The following TBL1X variants were observed in gnomAD, a reference collection of about 807,000 sequenced individuals.
TBL1X encodes the protein F-box-like/WD repeat-containing protein TBL1X.
In TBL1X, 10 loss-of-function variants were observed where a neutral mutation model predicts 50.7. The ratio of observed to expected loss-of-function variants is 0.20; its 90% CI spans 0.12 to 0.33. The LOEUF (loss-of-function observed/expected upper bound fraction) is 0.33, where lower values mean the gene tolerates loss of function less well. TBL1X is among the 10% of genes least tolerant of loss of function. The pLI, the probability that TBL1X is intolerant of heterozygous loss-of-function variation, is 1.00. For missense variants in TBL1X, 340 were observed against 504.4 expected, an observed-to-expected ratio of 0.67 and a Z score of 3.12; for synonymous variants, 190 against 214.7, an observed-to-expected ratio of 0.88 and a Z score of 1.01.
At chrX:9,644,596 G>A (rs903838458) in intron 3 of TBL1X, 4 of 111,624 alleles carry the variant, frequency 3.6e-5, no homozygotes, top group Non-Finnish European at 7.5e-5. Context: ...ACCCAGAAGG[G>A]TGGCAGGGCA....
At chrX:9,608,393 G>A (rs1176910036) in intron 2 of TBL1X, among the ~76,000 whole-genome samples, 5 of 111,544 alleles carry the variant, frequency 4.5e-5, no homozygotes, top group Non-Finnish European at 9.4e-5. Context: ...TGTTTATTTC[G>A]GTTTTATGTT....
chrX:9,516,181 T>C (rs2082079999), intron 2 of TBL1X, among the ~76,000 whole-genome samples: 1 of 111,324 alleles, frequency 9.0e-6, no homozygotes. Flanking sequence ...CTGCCTGTTA[T>C]CTCCGTGTTG....
chrX:9,653,824 G>A, intron 4 of TBL1X, 135 bp downstream of exon 4: 1 of 570,289 alleles, frequency 1.8e-6, no homozygotes. Context: ...GTCTGCCTGA[G>A]TGCACTTTGG....
At chrX:9,530,192 G>A (rs1029810324) in intron 2 of TBL1X, among the ~76,000 whole-genome samples, 7 of 112,010 alleles carry the variant, frequency 6.2e-5, no homozygotes, top group Non-Finnish European at 1.3e-4. Context: ...AAGCCAGGTG[G>A]CATTTTAATG....
chrX:9,645,722 G>T (rs958189227), intron 3 of TBL1X, among the ~76,000 whole-genome samples: 1 of 111,949 alleles, frequency 8.9e-6, no homozygotes, highest in Non-Finnish European at 1.9e-5. Flanking sequence ...ATATCTGATT[G>T]TGGGTAAATG....
At chrX:9,615,512 C>T (rs113740787) in intron 2 of TBL1X, among the ~76,000 whole-genome samples, 78 of 112,401 alleles carry the variant, frequency 6.9e-4, no homozygotes, top group African/African-American at 2.2e-3. Context: ...CTGTGGACAA[C>T]AGAGCCATAG....
intron 2 of TBL1X, among the ~76,000 whole-genome samples, chrX:9,525,805 T>C (rs1232496565): frequency 8.9e-6 from 1 of 111,756 alleles, no homozygotes; most frequent in East Asian, 2.8e-4. Flanking sequence ...ACAGGCACTT[T>C]CCTCTATTTT....
intron 1 of TBL1X, among the ~76,000 whole-genome samples, chrX:9,492,886 T>TAG (rs1489828013): frequency 9.9e-5 from 3 of 30,449 alleles, no homozygotes; most frequent in Admixed American, 3.6e-4. Context: ...TGTGTGTGTG[T>TAG]GTGTGTGTGT....
At chrX:9,599,854 T>A (rs1281344779) in intron 2 of TBL1X, among the ~76,000 whole-genome samples, 1 of 112,389 alleles carries the variant, frequency 8.9e-6, no homozygotes, top group Non-Finnish European at 1.9e-5. Flanking sequence ...ATACATTATA[T>A]GTTAGAATAC....
chrX:9,682,704 C>T (rs1477467132), intron 5 of TBL1X, among the ~76,000 whole-genome samples: 6 of 112,223 alleles, frequency 5.3e-5, no homozygotes, highest in Admixed American at 1.9e-4. Context: ...CCGGCTGCCA[C>T]TGCCCCTCAT....
chrX:9,514,608 C>CA (rs1375712745), intron 2 of TBL1X, among the ~76,000 whole-genome samples: 2 of 112,139 alleles, frequency 1.8e-5, no homozygotes, highest in African/African-American at 6.5e-5. Context: ...ATTACACACT[C>CA]ACACTGCGTT....
intron 2 of TBL1X, among the ~76,000 whole-genome samples, chrX:9,536,899 A>C: frequency 8.9e-6 from 1 of 111,919 alleles, no homozygotes. Flanking sequence ...TCCCTCTTTC[A>C]GTGGTGAGAC....
chrX:9,677,584 C>T (rs1160293795), intron 5 of TBL1X, among the ~76,000 whole-genome samples: 1 of 111,076 alleles, frequency 9.0e-6, no homozygotes, highest in African/African-American at 3.3e-5. Flanking sequence ...TACTCCCCGA[C>T]TACTGTAGTC....
intron 3 of TBL1X, among the ~76,000 whole-genome samples, chrX:9,652,948 C>T (rs371793650): frequency 5.7e-4 from 63 of 111,280 alleles, no homozygotes; most frequent in African/African-American, 1.9e-3. Context: ...GGGTGGGTCA[C>T]GAGGTCAGGA....
chrX:9,491,162 T>C (rs748239586), intron 1 of TBL1X, among the ~76,000 whole-genome samples: 31 of 105,953 alleles, frequency 2.9e-4, no homozygotes, highest in Non-Finnish European at 5.4e-4. Flanking sequence ...AAATTGTTTT[T>C]GTAGAGATGG....
At chrX:9,671,200 A>G (rs1269556094) in intron 5 of TBL1X, among the ~76,000 whole-genome samples, 2 of 112,311 alleles carry the variant, frequency 1.8e-5, no homozygotes, top group Non-Finnish European at 3.8e-5. Flanking sequence ...ACAGATGAAA[A>G]TCAGCAAGGG....
upstream of TBL1X, among the ~76,000 whole-genome samples, chrX:9,464,236 C>T (rs2081754939): frequency 1.8e-5 from 2 of 110,818 alleles, no homozygotes; most frequent in African/African-American, 3.3e-5. Context: ...TAAGCCATTG[C>T]AACATAAAGC....
chrX:9,503,282 T>G (rs2521381), intron 2 of TBL1X, among the ~76,000 whole-genome samples: 45,541 of 111,526 alleles, frequency 0.41, 7,187 homozygotes, highest in Admixed American at 0.55. Flanking sequence ...AAACTGCTTT[T>G]CCACAGAACT....
intron 2 of TBL1X, among the ~76,000 whole-genome samples, chrX:9,512,162 A>G (rs1284986877): frequency 2.7e-5 from 3 of 111,656 alleles, no homozygotes; most frequent in Non-Finnish European, 3.8e-5. Flanking sequence ...GATTACAGGC[A>G]TGAGTCACCA....
Sources: gnomAD v4.1 joint callset for allele counts (sites outside exome capture counted in the v4.1 genomes callset) on GRCh38, gnomAD v4.1.1 for gene constraint, MANE v1.5 for transcripts, NCBI Gene and HGNC (gene_info 2026-07-23, HGNC 2026-07-21) for gene names.